Variants in UBE2E2 observed in about 807,000 individuals in gnomAD.
UBE2E2 encodes ubiquitin conjugating enzyme E2 E2, also known as ubiquitin-conjugating enzyme E2 E2.
Under a neutral mutation model 24.7 loss-of-function variants are expected in UBE2E2, and 6 were observed. The observed-to-expected ratio is 0.24, with a 90% CI of 0.13 to 0.48. The LOEUF (loss-of-function observed/expected upper bound fraction) is 0.48, where lower values mean the gene tolerates loss of function less well. Among genes scored for constraint, UBE2E2 ranks in the 20% least tolerant of loss-of-function variants. The pLI is 0.99. For synonymous variants in UBE2E2, 104 were observed against 83.6 expected (o/e 1.24, Z -1.33); for missense variants, 169 against 245.0 (o/e 0.69, Z 2.07).
At chr3:23,582,860 A>AGTGTGTATGTGTGT (rs376338155) in intron 5 of UBE2E2, among the ~76,000 whole-genome samples, 4 of 116,746 alleles carry the variant, frequency 3.4e-5, no homozygotes, top group African/African-American at 1.4e-4. Context: ...TATTCTGTTG[A>AGTGTGTATGTGTGT]GTGTGTGTGT....
chr3:23,226,154 C>T (rs1575484919), intron 3 of UBE2E2, among the ~76,000 whole-genome samples: 2 of 152,180 alleles, frequency 1.3e-5, no homozygotes, highest in African/African-American at 2.4e-5. Context: ...GCTGGGTTTA[C>T]AGGTGTGAGC....
At chr3:23,228,433 A>G (rs1696881816) in intron 3 of UBE2E2, among the ~76,000 whole-genome samples, 2 of 152,196 alleles carry the variant, frequency 1.3e-5, no homozygotes, top group African/African-American at 4.8e-5. Context: ...AGGAAGTGTC[A>G]TATTACTCTC....
intron 3 of UBE2E2, among the ~76,000 whole-genome samples, chr3:23,332,641 A>C (rs532545511): frequency 6.8e-6 from 1 of 146,034 alleles, no homozygotes; most frequent in East Asian, 2.0e-4. Context: ...TTTGAACACA[A>C]ATTTTAGCTT....
intron 3 of UBE2E2, among the ~76,000 whole-genome samples, chr3:23,418,083 C>A (rs1387124929): frequency 6.6e-6 from 1 of 152,094 alleles, no homozygotes; most frequent in Non-Finnish European, 1.5e-5. Context: ...GTCTTGCTGG[C>A]GTTGCAGGCA....
chr3:23,421,608 AT>A (rs1697798814), intron 3 of UBE2E2, among the ~76,000 whole-genome samples: 1 of 152,154 alleles, frequency 6.6e-6, no homozygotes, highest in Non-Finnish European at 1.5e-5. Flanking sequence ...GGGTTTCACC[AT>A]GTTGGCCAGG....
chr3:23,203,256 G>A (rs1349768624), upstream of UBE2E2: 2 of 988,552 alleles, frequency 2.0e-6, no homozygotes, highest in Non-Finnish European at 2.4e-6. Context: ...CAGCGGCGGC[G>A]CTGAGGGTGA....
At chr3:23,267,437 A>G (rs1432019349) in intron 3 of UBE2E2, among the ~76,000 whole-genome samples, 2 of 152,254 alleles carry the variant, frequency 1.3e-5, no homozygotes, top group Non-Finnish European at 2.9e-5. Context: ...CTCTACAGAA[A>G]TAAACTAAAA....
chr3:23,548,689 G>C (rs57989144), intron 5 of UBE2E2, among the ~76,000 whole-genome samples: 44,123 of 151,816 alleles, frequency 0.29, 6,856 homozygotes, highest in East Asian at 0.51. Flanking sequence ...TATGGTTCAC[G>C]TGCTGCTCTC....
In UBE2E2 at chr3:23,560,911, G is replaced by C. The variant is rs1361911918; in HGVS notation, c.508+28210G>C. 2.6e-5 allele frequency among the ~76,000 whole-genome samples: 4 copies of C among 152,132 alleles called. No homozygotes were observed. The South Asian group carries it at 8.3e-4, about 32-fold the overall frequency. On this transcript the variant is annotated intron_variant, in intron 5 of 5. Transcript: ENST00000396703. ...ATATCCTTTGCCCACTTTTTGATGG[G>C]GTTGTTTGTTTTTTTCTTGTAAATT...
In UBE2E2 at chr3:23,334,342, CTCTTTG is replaced by C. The variant is rs760683271; in HGVS notation, c.227+117041_227+117046del. 4.0e-5 allele frequency among the ~76,000 whole-genome samples: 6 copies of C among 151,746 alleles called. No individual in the cohort carries two copies. In the East Asian group the frequency reaches 5.8e-4, roughly 15 times the overall value. Reference sequence around the variant, plus strand: ...GATTATGAGAAGACTTTCAAGAAATCTCTTTGTCTTTGTCTTCTAAGCCCTCGAGAT... The same window carrying C: ...GATTATGAGAAGACTTTCAAGAAATCTCTTTGTCTTCTAAGCCCTCGAGAT... On this transcript the variant is annotated intron_variant, in intron 3 of 5. Coordinates refer to ENST00000396703, the MANE Select transcript of UBE2E2 (RefSeq NM_152653.4).
intron 3 of UBE2E2, among the ~76,000 whole-genome samples, chr3:23,475,264 T>C (rs1242246513): frequency 1.3e-5 from 2 of 152,048 alleles, no homozygotes; most frequent in East Asian, 3.9e-4. Context: ...ATAGGGGTTA[T>C]AAAGACCAAC....
At chr3:23,503,304 C>T (rs1170503015) in intron 4 of UBE2E2, among the ~76,000 whole-genome samples, 1 of 151,964 alleles carries the variant, frequency 6.6e-6, no homozygotes, top group African/African-American at 2.4e-5. Flanking sequence ...GTTTTCCTGC[C>T]TCAGCCTCCC....
At chr3:23,426,668 A>G (rs550323902) in intron 3 of UBE2E2, among the ~76,000 whole-genome samples, 64 of 152,280 alleles carry the variant, frequency 4.2e-4, no homozygotes, top group African/African-American at 1.4e-3. Context: ...AAGAAGAGGT[A>G]AGACTTTCTA....
intron 3 of UBE2E2, among the ~76,000 whole-genome samples, chr3:23,387,285 A>G (rs1403536208): frequency 6.6e-6 from 1 of 152,106 alleles, no homozygotes; most frequent in African/African-American, 2.4e-5. Flanking sequence ...ACTAAGTACT[A>G]TTTCTTTCTT....
At chr3:23,254,287 C>T (rs1044689360) in intron 3 of UBE2E2, among the ~76,000 whole-genome samples, 7 of 152,170 alleles carry the variant, frequency 4.6e-5, no homozygotes, top group African/African-American at 1.7e-4. Context: ...CCAACTGATG[C>T]TTACATCAAG....
intron 3 of UBE2E2, among the ~76,000 whole-genome samples, chr3:23,347,508 A>T (rs911940323): frequency 6.6e-6 from 1 of 151,970 alleles, no homozygotes; most frequent in African/African-American, 2.4e-5. Context: ...AACAATGAGA[A>T]CACATGGACA....
chr3:23,486,869 C>CT (rs1280813728), intron 3 of UBE2E2, among the ~76,000 whole-genome samples: 4 of 152,224 alleles, frequency 2.6e-5, no homozygotes, highest in Non-Finnish European at 2.9e-5. Flanking sequence ...AGTTCTCACT[C>CT]TAAGTTGCAG....
At chr3:23,203,518 C>T in intron 1 of UBE2E2, 54 bp downstream of exon 1, 2 of 961,768 alleles carry the variant, frequency 2.1e-6, no homozygotes, top group South Asian at 4.8e-5. Flanking sequence ...CTCCCTCTCG[C>T]TGACGTCCTC....
chr3:23,310,461 G>T (rs1359566614), intron 3 of UBE2E2, among the ~76,000 whole-genome samples: 1 of 152,168 alleles, frequency 6.6e-6, no homozygotes, highest in Non-Finnish European at 1.5e-5. Context: ...GACTGAAATA[G>T]AGAGGGAAAA....
Sources: allele counts gnomAD v4.1 joint callset (sites outside exome capture counted in the v4.1 genomes callset), GRCh38; gene constraint gnomAD v4.1.1; transcripts MANE v1.5; gene names NCBI Gene and HGNC (gene_info 2026-07-23, HGNC 2026-07-21).